Variants in ARHGAP44 observed in about 807,000 individuals in gnomAD.
ARHGAP44 encodes the protein Rho GTPase activating protein 44, also known as rho GTPase-activating protein 44.
ARHGAP44 carries 43 observed loss-of-function variants against 106.8 expected under a neutral mutation model. The ratio of observed to expected loss-of-function variants is 0.40; its 90% CI spans 0.32 to 0.52. The LOEUF (loss-of-function observed/expected upper bound fraction) is 0.52, where lower values mean the gene tolerates loss of function less well. ARHGAP44 is among the 20% of genes least tolerant of loss of function. The pLI is 0.48. For synonymous variants in ARHGAP44, 439 were observed against 410.3 expected (o/e 1.07, Z -0.85); for missense variants, 866 against 1,050.5 (o/e 0.82, Z 2.43).
intron 20 of ARHGAP44, chr17:12,986,962 C>A: frequency 2.7e-6 from 2 of 751,258 alleles, no homozygotes; most frequent in Non-Finnish European, 4.3e-6. Context: ...GGTCTCTGAG[C>A]CAGTGTAGAA....
intron 7 of ARHGAP44, among the ~76,000 whole-genome samples, chr17:12,936,706 C>T (rs1257150482): frequency 1.3e-5 from 2 of 152,188 alleles, no homozygotes; most frequent in African/African-American, 4.8e-5. Context: ...TGGGCAAATG[C>T]CAAAGAGCAT....
chr17:12,965,978 C>T (rs757755108), intron 16 of ARHGAP44, among the ~76,000 whole-genome samples: 7 of 152,022 alleles, frequency 4.6e-5, no homozygotes, highest in Non-Finnish European at 8.8e-5. Context: ...CCCAGTGAGA[C>T]ATCATCTATA....
At chr17:12,952,886 C>T (rs941689165) in intron 13 of ARHGAP44, among the ~76,000 whole-genome samples, 7 of 151,848 alleles carry the variant, frequency 4.6e-5, no homozygotes, top group East Asian at 1.9e-4. Context: ...CACCACCACG[C>T]GTGGTCTCTG....
At position 12,811,885 on chromosome 17, in the gene ARHGAP44, A is replaced by G. The variant is rs1017910401; in HGVS notation, c.53+21994A>G. ...TTCTCCTCCTCTTAAAAGGGCATAT[A>G]TTGGATTAAGGGTCTACCCTACTTC... On this transcript the variant is annotated intron_variant, in intron 1 of 20. Transcript: ENST00000379672. Among the ~76,000 whole-genome samples the G allele has an allele frequency of 3.9e-5, 6 of 152,190 alleles. No individual in the cohort carries two copies. The East Asian group carries it at 9.7e-4, about 24-fold the overall frequency.
At chr17:12,871,819 T>G (rs536592106) in intron 1 of ARHGAP44, among the ~76,000 whole-genome samples, 4 of 152,248 alleles carry the variant, frequency 2.6e-5, no homozygotes, top group South Asian at 2.1e-4. Context: ...TCCTTCCATG[T>G]AAGATGTGCC....
At chr17:12,922,085 T>C (rs2038099268) in intron 6 of ARHGAP44, among the ~76,000 whole-genome samples, 1 of 152,198 alleles carries the variant, frequency 6.6e-6, no homozygotes, top group Non-Finnish European at 1.5e-5. Context: ...AAAGAAATCC[T>C]TTCATGCTAC....
At chr17:12,875,960 TTGA>T (rs1009598537) in intron 1 of ARHGAP44, among the ~76,000 whole-genome samples, 10 of 152,088 alleles carry the variant, frequency 6.6e-5, no homozygotes, top group African/African-American at 2.4e-4. Context: ...AAAAAATGTA[TTGA>T]TGATATTTTC....
At chr17:12,876,873 T>C (rs1597983575) in intron 1 of ARHGAP44, among the ~76,000 whole-genome samples, 2 of 142,432 alleles carry the variant, frequency 1.4e-5, no homozygotes, top group South Asian at 2.2e-4. Context: ...ACTGTGCCAC[T>C]GCACTCCAGC....
intron 1 of ARHGAP44, among the ~76,000 whole-genome samples, chr17:12,879,145 C>G (rs1464931098): frequency 1.3e-5 from 2 of 152,126 alleles, no homozygotes; most frequent in African/African-American, 4.8e-5. Context: ...CTCACCCTTT[C>G]CCCCAAGTCC....
In ARHGAP44 at chr17:12,974,435, C is replaced by A. The variant is rs973468859; in HGVS notation, c.1763+125C>A. 101 of 865,750 alleles carry A rather than the reference C, an allele frequency of 1.2e-4. No individual in the cohort carries two copies. The African/African-American group carries it at 1.6e-3, about 14-fold the overall frequency. 53.6% of individuals were successfully genotyped at this position (865,750 alleles called of 1,614,324 possible). On this transcript the variant is annotated intron_variant, in intron 18 of 20. Transcript: ENST00000379672. ...GCCCCCGCCCCCATTTCTAAGCATT[C>A]ATATTTGGCTTCTGCGTCGCGCTGG...
chr17:12,828,831 C>T (rs1014014002), intron 1 of ARHGAP44, among the ~76,000 whole-genome samples: 2 of 151,390 alleles, frequency 1.3e-5, no homozygotes, highest in Admixed American at 6.6e-5. Context: ...TTAGTGGAGA[C>T]GGGGTTTCAC....
chr17:12,841,308 C>G (rs1315935704), intron 1 of ARHGAP44, among the ~76,000 whole-genome samples: 1 of 152,052 alleles, frequency 6.6e-6, no homozygotes, highest in Admixed American at 6.6e-5. Flanking sequence ...AATACCTAGT[C>G]TTTGGAGGGG....
In ARHGAP44 at chr17:12,881,671, A is replaced by T. The variant is rs144742261; in HGVS notation, c.54-13269A>T. Among the ~76,000 whole-genome samples, 37 of 152,132 alleles carry T rather than the reference A, an allele frequency of 2.4e-4. No individual in the cohort carries two copies. In the East Asian group the frequency reaches 5.8e-3, roughly 24 times the overall value. ...CTTAAGCCTTTGCATTTCCATACAA[A>T]TTTTATTTATTTATTTTGTTGTTGT... On this transcript the variant is annotated intron_variant, in intron 1 of 20. Transcript: ENST00000379672.
intron 8 of ARHGAP44, among the ~76,000 whole-genome samples, chr17:12,941,486 TC>T (rs1451435214): frequency 1.3e-5 from 2 of 152,122 alleles, no homozygotes; most frequent in African/African-American, 4.8e-5. Context: ...CTTGTAAATA[TC>T]CTGCAGTGCA....
chr17:12,841,594 TCACACACA>T (rs545804542), intron 1 of ARHGAP44, among the ~76,000 whole-genome samples: 30 of 126,582 alleles, frequency 2.4e-4, no homozygotes, highest in Admixed American at 6.2e-4. Flanking sequence ...TGTCTCTCTC[TCACACACA>T]CACACACACA....
chr17:12,861,163 G>A (rs573300044), intron 1 of ARHGAP44, among the ~76,000 whole-genome samples: 1 of 151,824 alleles, frequency 6.6e-6, no homozygotes, highest in South Asian at 2.1e-4. Flanking sequence ...GCTAATTTTT[G>A]TATGTTTATA....
In ARHGAP44 at chr17:12,925,590, C is replaced by CCAAGG. The variant is rs1598064468; in HGVS notation, c.465-3338_465-3337insAAGGC. On this transcript the variant is annotated intron_variant, in intron 6 of 20. Transcript: ENST00000379672. ...GAAATTTTAAACCCTTATTCCTCTC[C>CCAAGG]CTTCTCTCTCATCTCTCCCAAGGCT... Among the ~76,000 whole-genome samples the CCAAGG allele has an allele frequency of 3.3e-5, 5 of 152,284 alleles. No individual in the cohort carries two copies. In the East Asian group the frequency reaches 9.7e-4, roughly 29 times the overall value.
chr17:12,834,594 C>T (rs1054181293), intron 1 of ARHGAP44, among the ~76,000 whole-genome samples: 3 of 152,156 alleles, frequency 2.0e-5, no homozygotes, highest in Admixed American at 6.5e-5. Context: ...ATATCTTCCA[C>T]ACTGTGTTGG....
At chr17:12,920,124 C>A (rs2038032010) in intron 6 of ARHGAP44, among the ~76,000 whole-genome samples, 1 of 152,046 alleles carries the variant, frequency 6.6e-6, no homozygotes, top group Admixed American at 6.5e-5. Context: ...CACCTGTAAC[C>A]CAGCACTTTG....
Sources: gnomAD v4.1 joint callset for allele counts (sites outside exome capture counted in the v4.1 genomes callset) on GRCh38, gnomAD v4.1.1 for gene constraint, MANE v1.5 for transcripts, NCBI Gene and HGNC (gene_info 2026-07-23, HGNC 2026-07-21) for gene names.